Variants in EYA4 observed in about 807,000 individuals in gnomAD.
EYA4 encodes EYA transcriptional coactivator and phosphatase 4.
In EYA4, 31 loss-of-function variants were observed where a neutral mutation model predicts 87.9. The observed-to-expected ratio is 0.35, with a 90% CI of 0.27 to 0.48. The LOEUF is 0.48. Among genes scored for constraint, EYA4 ranks in the 20% least tolerant of loss-of-function variants. The pLI is 0.99. For missense variants in EYA4, 678 were observed against 761.4 expected (o/e 0.89, Z 1.29); for synonymous variants, 263 against 270.6 (o/e 0.97, Z 0.28).
At chr6:133,511,276 C>CA (rs1488116976) in intron 14 of EYA4, among the ~76,000 whole-genome samples, 2 of 151,802 alleles carry the variant, frequency 1.3e-5, no homozygotes, top group Non-Finnish European at 2.9e-5. Flanking sequence ...TAGTAGCTTT[C>CA]AAAAAACCTT....
chr6:133,264,825 T>A (rs968692679), intron 1 of EYA4, among the ~76,000 whole-genome samples: 4 of 152,138 alleles, frequency 2.6e-5, no homozygotes, highest in African/African-American at 9.7e-5. Flanking sequence ...TAGGTTTCTT[T>A]CTTTCTTTCT....
chr6:133,530,602 A>T lies in EYA4; in HGVS notation c.*1797A>T. The T allele has an allele frequency of 2.0e-6, 2 of 985,862 alleles. No homozygotes were observed. Among genetic ancestry groups the T allele is most frequent in the Non-Finnish European group, 2.4e-6 (2 of 829,928 alleles). 61.1% of individuals were successfully genotyped at this position (985,862 alleles called of 1,614,324 possible). A position where few individuals can be genotyped will look rare whatever the true frequency, so the allele number is the denominator to read the frequency against. ...AATAAAGTCTACATTTTGCTCACAG[A>T]TCACAACATTCACTGTGGAAATATG... On this transcript the variant is annotated 3_prime_UTR_variant, in exon 20 of 20. Coordinates refer to ENST00000355286, the MANE Select transcript of EYA4 (RefSeq NM_004100.5).
rs71003632 is a variant in EYA4, at chr6:133,294,062, T to TATATATATATATATATATATATATAA, written c.33+19250_33+19251insTATATATATATATATATATATATAAA. Among the ~76,000 whole-genome samples the TATATATATATATATATATATATATAA allele has an allele frequency of 5.7e-5, 6 of 105,152 alleles. No homozygotes were observed. In the South Asian group the frequency reaches 9.9e-4, roughly 17 times the overall value. The allele number at this position is 105,152 out of a possible 152,430, so 69.0% of individuals were successfully genotyped here. A position where few individuals can be genotyped will look rare whatever the true frequency, so the allele number is the denominator to read the frequency against. On this transcript the variant is annotated intron_variant, in intron 2 of 19. Transcript: ENST00000355286. ...ATATATATATATATATATATATATA[T>TATATATATATATATATATATATATAA]AATTCTATTCTATATATAACATTCT...
At chr6:133,445,293 A>G (rs9389078) in intron 3 of EYA4, among the ~76,000 whole-genome samples, 25,307 of 152,098 alleles carry the variant, frequency 0.17, 2,570 homozygotes, top group East Asian at 0.32. Context: ...TTTTGCTTCA[A>G]TAGGCTGTCT....
At chr6:133,372,481 A>AC (rs1296707897) in intron 2 of EYA4, among the ~76,000 whole-genome samples, 1 of 151,778 alleles carries the variant, frequency 6.6e-6, no homozygotes, top group Non-Finnish European at 1.5e-5. Context: ...TTAATATAAA[A>AC]TATAAAACTA....
chr6:133,249,888 C>G (rs1774745241), intron 1 of EYA4, among the ~76,000 whole-genome samples: 1 of 152,192 alleles, frequency 6.6e-6, no homozygotes, highest in African/African-American at 2.4e-5. Context: ...TAGTCTAAAT[C>G]CTGCTTTAAG....
intron 13 of EYA4, among the ~76,000 whole-genome samples, chr6:133,499,549 A>G (rs957760831): frequency 6.6e-6 from 1 of 152,240 alleles, no homozygotes; most frequent in Non-Finnish European, 1.5e-5. Flanking sequence ...CATACAATTT[A>G]AGCTTGACAA....
At chr6:133,455,209 T>G (rs1793799382) in intron 5 of EYA4, among the ~76,000 whole-genome samples, 1 of 152,220 alleles carries the variant, frequency 6.6e-6, no homozygotes, top group African/African-American at 2.4e-5. Context: ...TAGGGATTAC[T>G]GTGCAAATTA....
intron 13 of EYA4, among the ~76,000 whole-genome samples, chr6:133,502,068 T>TCTCTCA (rs1554270185): frequency 5.0e-4 from 76 of 151,194 alleles, no homozygotes; most frequent in African/African-American, 1.6e-3. Context: ...TCTCTCTCTC[T>TCTCTCA]CTCACTCTCT....
chr6:133,297,754 A>G (rs1779051732), intron 2 of EYA4, among the ~76,000 whole-genome samples: 1 of 152,244 alleles, frequency 6.6e-6, no homozygotes, highest in Non-Finnish European at 1.5e-5. Context: ...TTGTACCAAC[A>G]AAGGTTTCTC....
At chr6:133,502,778 C>T (rs1798246642) in intron 13 of EYA4, 1 of 151,728 alleles carries the variant, frequency 6.6e-6, no homozygotes, top group South Asian at 2.1e-4. Context: ...GCATGGTTTT[C>T]CTTGGCTGAT....
At chr6:133,370,060 C>T (rs926228010) in intron 2 of EYA4, among the ~76,000 whole-genome samples, 1 of 152,178 alleles carries the variant, frequency 6.6e-6, no homozygotes, top group African/African-American at 2.4e-5. Context: ...TGCACTGCTC[C>T]TGGAGCCCGA....
chr6:133,491,656 A>G (rs1465926737), intron 13 of EYA4, among the ~76,000 whole-genome samples: 3 of 152,140 alleles, frequency 2.0e-5, no homozygotes, highest in Non-Finnish European at 4.4e-5. Flanking sequence ...GCTGCAATAA[A>G]AAGTACCCCA....
rs554727225 is a variant in EYA4 at position 133,256,114 on chromosome 6, A to G, written c.-66+14365A>G. 2.0e-5 allele frequency among the ~76,000 whole-genome samples: 3 copies of G among 151,922 alleles called. No homozygotes were observed. In the East Asian group the frequency reaches 5.8e-4, roughly 29 times the overall value. The stretch of plus-strand genomic sequence containing the variant: ...TGCTCTGGTTAAGAAAAATGGTTAT[A>G]GTAGTAAATTCCTTGAAACTCATAT... On this transcript the variant is annotated intron_variant, in intron 1 of 19. Coordinates refer to ENST00000355286, the MANE Select transcript of EYA4 (RefSeq NM_004100.5).
At chr6:133,477,605 T>C (rs190907086) in intron 11 of EYA4, among the ~76,000 whole-genome samples, 8 of 152,216 alleles carry the variant, frequency 5.3e-5, no homozygotes, top group Non-Finnish European at 1.0e-4. Flanking sequence ...GATCTAGGTT[T>C]GACCTTCTGG....
intron 2 of EYA4, among the ~76,000 whole-genome samples, chr6:133,298,563 A>C (rs1779120222): frequency 6.6e-6 from 1 of 152,198 alleles, no homozygotes; most frequent in Admixed American, 6.5e-5. Context: ...AGAGGTAAAC[A>C]ATCCCAGTTT....
chr6:133,382,587 G>T (rs1786318840), intron 3 of EYA4, 146 bp downstream of exon 3: 4 of 758,116 alleles, frequency 5.3e-6, no homozygotes, highest in Non-Finnish European at 9.8e-6. Context: ...TATCATGCTG[G>T]CTAGCGTACC....
At chr6:133,522,565 G>A (rs1258306033) in intron 17 of EYA4, among the ~76,000 whole-genome samples, 2 of 152,114 alleles carry the variant, frequency 1.3e-5, no homozygotes, top group Non-Finnish European at 2.9e-5. Context: ...GTTTTCTCCA[G>A]ATGGTTAAAT....
At chr6:133,318,795 G>A (rs763167452) in intron 2 of EYA4, among the ~76,000 whole-genome samples, 3 of 152,072 alleles carry the variant, frequency 2.0e-5, no homozygotes, top group Non-Finnish European at 4.4e-5. Context: ...ATGTAAGTGT[G>A]TTCCTAATGT....
Sources: gnomAD v4.1 joint callset for allele counts (sites outside exome capture counted in the v4.1 genomes callset) on GRCh38, gnomAD v4.1.1 for gene constraint, MANE v1.5 for transcripts, NCBI Gene and HGNC (gene_info 2026-07-23, HGNC 2026-07-21) for gene names.